CSNK2A1: variants seen among roughly 807,000 people sequenced by gnomAD.
CSNK2A1 encodes the protein casein kinase 2 alpha 1.
In CSNK2A1, 10 loss-of-function variants were observed where a neutral mutation model predicts 62.9. That is an observed-to-expected ratio of 0.16 (90% CI 0.10 to 0.27). The LOEUF (loss-of-function observed/expected upper bound fraction) is 0.27. Ranked by LOEUF, CSNK2A1 falls within the 10% of genes least tolerant of loss-of-function variation. The probability of loss-of-function intolerance (pLI) is 1.00; values close to 1 mark genes in which losing one functional copy is unlikely to be tolerated. For synonymous variants in CSNK2A1, 124 were observed against 167.8 expected (o/e 0.74, Z 2.02); for missense variants, 160 against 492.0 (o/e 0.33, Z 6.38).
chr20:519,472 G>C (rs557362919), intron 2 of CSNK2A1, among the ~76,000 whole-genome samples: 11 of 152,332 alleles, frequency 7.2e-5, no homozygotes, highest in African/African-American at 2.2e-4. Flanking sequence ...CCAGCTATTT[G>C]GGAGGCTGAT....
intron 1 of CSNK2A1, among the ~76,000 whole-genome samples, chr20:535,886 A>G (rs1318404858): frequency 1.3e-5 from 2 of 152,222 alleles, no homozygotes; most frequent in Admixed American, 1.3e-4. Context: ...ATGTTAATGC[A>G]GGGAGCTGGC....
chr20:476,487 T>G lies in CSNK2A1; in HGVS notation c.*7474A>C, dbSNP rs1296321962. On this transcript the variant is annotated 3_prime_UTR_variant, in exon 14 of 14. Transcript: ENST00000217244. ...GTTGTTCAGTCTGGTTTCAAACTCC[T>G]GACCTCAGGTGATCCACTCGCCTTG... 6.6e-6 allele frequency: 1 copy of G among 152,222 alleles called. No homozygotes were observed. Among genetic ancestry groups the G allele is most frequent in the African/African-American group, 2.4e-5 (1 of 41,454 alleles). The allele number at this position is 152,222 out of a possible 1,614,324, so 9.4% of individuals were successfully genotyped here. A position where few individuals can be genotyped will look rare whatever the true frequency, so the allele number is the denominator to read the frequency against.
rs902142691 is a variant in CSNK2A1, at chr20:473,545, A to G, written c.*10416T>C. 6.6e-6 allele frequency: 1 copy of G among 152,218 alleles called. No individual in the cohort carries two copies. The highest frequency in any genetic ancestry group is 1.5e-5 in the Non-Finnish European group (1 of 68,060). 9.4% of individuals were successfully genotyped at this position (152,218 alleles called of 1,614,324 possible). A position where few individuals can be genotyped will look rare whatever the true frequency, so the allele number is the denominator to read the frequency against. ...CTAAGGCTTTTGTCCGGTAGGGGATACAGGGAAGGGTCTGGGTGGAGCACT... is the reference window on the plus strand; with the variant it reads ...CTAAGGCTTTTGTCCGGTAGGGGATGCAGGGAAGGGTCTGGGTGGAGCACT... On this transcript the variant is annotated 3_prime_UTR_variant, in exon 14 of 14. Coordinates refer to ENST00000217244, the MANE Select transcript of CSNK2A1 (RefSeq NM_177559.3).
Position 508,679 on chromosome 20 carries a change from C to T in CSNK2A1, c.-109-19G>A. 1 of 784,518 alleles carries T rather than the reference C, an allele frequency of 1.3e-6. No individual in the cohort carries two copies. The highest frequency in any genetic ancestry group is 2.0e-6 in the Non-Finnish European group (1 of 487,946). The allele number at this position is 784,518 out of a possible 1,614,324, so 48.6% of individuals were successfully genotyped here. ...CTTCAAACTGCAGAAACAAAATGCA[C>T]AAAGTCCAAGGAATCATTTACAGAA... On this transcript the variant is annotated intron_variant, in intron 2 of 13. Coordinates refer to ENST00000217244, the MANE Select transcript of CSNK2A1 (RefSeq NM_177559.3).
chr20:495,377 A>G, intron 8 of CSNK2A1: 1 of 222,404 alleles, frequency 4.5e-6, no homozygotes. Context: ...CTGCAGGGCT[A>G]TTATTACCCA....
chr20:515,604 A>G (rs2018813341), intron 2 of CSNK2A1, among the ~76,000 whole-genome samples: 1 of 152,096 alleles, frequency 6.6e-6, no homozygotes, highest in Non-Finnish European at 1.5e-5. Context: ...ACAGAACACA[A>G]TCACTTTCTA....
intron 2 of CSNK2A1, among the ~76,000 whole-genome samples, chr20:516,130 A>C (rs1307957332): frequency 2.6e-5 from 4 of 152,254 alleles, no homozygotes; most frequent in Non-Finnish European, 4.4e-5. Context: ...CACTGTTCAT[A>C]ATACTAGTAT....
chr20:509,254 G>T (rs1287768954), intron 2 of CSNK2A1, among the ~76,000 whole-genome samples: 1 of 151,986 alleles, frequency 6.6e-6, no homozygotes, highest in Non-Finnish European at 1.5e-5. Context: ...AGACACACTT[G>T]GTTTCATTAA....
intron 1 of CSNK2A1, among the ~76,000 whole-genome samples, chr20:529,084 A>G (rs1214038141): frequency 1.3e-5 from 2 of 152,188 alleles, no homozygotes; most frequent in African/African-American, 4.8e-5. Context: ...TCAGTCACCC[A>G]GGCTGGAGTG....
rs761847518 is a variant in CSNK2A1, at chr20:499,978, T to C, written c.214-44A>G. 1 of 1,252,570 alleles carries C rather than the reference T, an allele frequency of 8.0e-7. No homozygotes were observed. The highest frequency in any genetic ancestry group is 1.9e-5 in the Admixed American group (1 of 53,158). The allele number at this position is 1,252,570 out of a possible 1,614,324, so 77.6% of individuals were successfully genotyped here. ...ATCAGCAAAAAAAAAAAAAAAAAATTTTTTCAGAGTATTTCAACACGTAGT... is the reference window on the plus strand; with the variant it reads ...ATCAGCAAAAAAAAAAAAAAAAAATCTTTTCAGAGTATTTCAACACGTAGT... On this transcript the variant is annotated intron_variant, in intron 4 of 13. Transcript: ENST00000217244. This position sits in a 1 kb window ranked among gnomAD's most constrained non-coding sequence, Gnocchi z 4.2.
At chr20:521,471 A>C (rs2018944987) in intron 2 of CSNK2A1, among the ~76,000 whole-genome samples, 1 of 152,218 alleles carries the variant, frequency 6.6e-6, no homozygotes, top group South Asian at 2.1e-4. Flanking sequence ...GTAGGAATGC[A>C]AAATGGTTTT....
At position 480,862 on chromosome 20, in the gene CSNK2A1, T is replaced by C. The variant is rs1417872060; in HGVS notation, c.*3099A>G. On this transcript the variant is annotated 3_prime_UTR_variant, in exon 14 of 14. Coordinates refer to ENST00000217244, the MANE Select transcript of CSNK2A1 (RefSeq NM_177559.3). The stretch of plus-strand genomic sequence containing the variant: ...TTAAAAACTAAGAAGAAATTAAAAT[T>C]CCCAAATCTGTCAACCAATCTCTAA... 1 of 152,224 alleles carries C rather than the reference T, an allele frequency of 6.6e-6. No individual in the cohort carries two copies. Among genetic ancestry groups the C allele is most frequent in the Non-Finnish European group, 1.5e-5 (1 of 68,054 alleles). 9.4% of individuals were successfully genotyped at this position (152,224 alleles called of 1,614,324 possible). A position where few individuals can be genotyped will look rare whatever the true frequency, so the allele number is the denominator to read the frequency against.
chr20:472,509 A>C lies in CSNK2A1; in HGVS notation c.*11452T>G, dbSNP rs1394086300. On this transcript the variant is annotated 3_prime_UTR_variant, in exon 14 of 14. Coordinates refer to ENST00000217244, the MANE Select transcript of CSNK2A1 (RefSeq NM_177559.3). Reference sequence around the variant, plus strand: ...CTCAGACACAGATATTCAGTGAGAGAGCAGGCTAGGGGACTGCCAGCACTA... The same window carrying C: ...CTCAGACACAGATATTCAGTGAGAGCGCAGGCTAGGGGACTGCCAGCACTA... The C allele has an allele frequency of 6.5e-6, 1 of 154,286 alleles. No individual in the cohort carries two copies. The highest frequency in any genetic ancestry group is 1.5e-5 in the Non-Finnish European group (1 of 68,936). The allele number at this position is 154,286 out of a possible 1,614,324, so 9.6% of individuals were successfully genotyped here. A position where few individuals can be genotyped will look rare whatever the true frequency, so the allele number is the denominator to read the frequency against.
intron 8 of CSNK2A1, among the ~76,000 whole-genome samples, chr20:493,311 C>T (rs111614938): frequency 3.6e-4 from 55 of 152,300 alleles, no homozygotes; most frequent in African/African-American, 1.3e-3. Flanking sequence ...CCACCACCAC[C>T]TCTTGTTTGA....
rs145588160 is a variant in CSNK2A1 at position 478,007 on chromosome 20, T to C, written c.*5954A>G. On this transcript the variant is annotated 3_prime_UTR_variant, in exon 14 of 14. Coordinates refer to ENST00000217244, the MANE Select transcript of CSNK2A1 (RefSeq NM_177559.3). ...TCTTTCTCTGAAATAGGCATTTGCA[T>C]TTTTCCTAGGATTTTTTTTTTAAAA... is the stretch of plus-strand genomic sequence containing the variant. 18 of 149,134 alleles carry C rather than the reference T, an allele frequency of 1.2e-4. No homozygotes were observed. The highest frequency in any genetic ancestry group is 4.4e-4 in the African/African-American group (17 of 38,964). The allele number at this position is 149,134 out of a possible 1,614,324, so 9.2% of individuals were successfully genotyped here.
intron 13 of CSNK2A1, among the ~76,000 whole-genome samples, chr20:485,805 T>C (rs934748298): frequency 4.6e-5 from 7 of 152,258 alleles, no homozygotes; most frequent in Non-Finnish European, 1.0e-4. Context: ...CTACCAGATA[T>C]GCACCCACTT....
At chr20:500,235 T>C (rs1043164887) in intron 4 of CSNK2A1, 6 of 292,964 alleles carry the variant, frequency 2.0e-5, no homozygotes, top group Non-Finnish European at 3.9e-5. Context: ...TTAAACATGT[T>C]AATGTCTTAA....
chr20:531,380 A>T (rs1432796152), intron 1 of CSNK2A1, among the ~76,000 whole-genome samples: 1 of 152,118 alleles, frequency 6.6e-6, no homozygotes, highest in African/African-American at 2.4e-5. Context: ...CATTTACCTT[A>T]TTGACTCGAC....
rs1397081660 is a variant in CSNK2A1, at chr20:499,348, C to A, written c.316-43G>T. ...AAACAAAAACACACATTAGCAATAG[C>A]CCTGACAGCTTTAATGGGGACAATG... On this transcript the variant is annotated intron_variant, in intron 5 of 13. Transcript: ENST00000217244. This position sits in a 1 kb window ranked among gnomAD's most constrained non-coding sequence, Gnocchi z 4.2. 9.5e-6 allele frequency: 15 copies of A among 1,579,984 alleles called. No homozygotes were observed. The highest frequency in any genetic ancestry group is 1.3e-5 in the Non-Finnish European group (15 of 1,159,420).
Sources: allele counts gnomAD v4.1 joint callset (sites outside exome capture counted in the v4.1 genomes callset), GRCh38; gene constraint gnomAD v4.1.1; non-coding constraint Gnocchi (gnomAD v3.1); transcripts MANE v1.5; gene names NCBI Gene and HGNC (gene_info 2026-07-23, HGNC 2026-07-21).